Variants in SCAF8 observed in about 807,000 individuals in gnomAD.
SCAF8 encodes SR-related CTD associated factor 8.
SCAF8 carries 23 observed loss-of-function variants against 140.5 expected under a neutral mutation model. That is an observed-to-expected ratio of 0.16 (90% CI 0.12 to 0.23). The LOEUF is 0.23. Ranked by LOEUF, SCAF8 falls within the 10% of genes least tolerant of loss-of-function variation. SCAF8 has a pLI of 1.00. For synonymous variants in SCAF8, 575 were observed against 528.9 expected, an observed-to-expected ratio of 1.09 and a Z score of -1.20; for missense variants, 1,397 against 1,555.7, an observed-to-expected ratio of 0.90 and a Z score of 1.72.
At chr6:154,793,256 G>A (rs1477119962) in intron 5 of SCAF8, among the ~76,000 whole-genome samples, 1 of 152,058 alleles carries the variant, frequency 6.6e-6, no homozygotes, top group African/African-American at 2.4e-5. Context: ...TAAGTTGTCT[G>A]TAACTTCTTA....
chr6:154,760,411 G>T (rs1290548242), intron 1 of SCAF8, among the ~76,000 whole-genome samples: 2 of 152,068 alleles, frequency 1.3e-5, no homozygotes, highest in Admixed American at 6.5e-5. Context: ...CTAGACAGAT[G>T]TTTGCATATT....
Position 154,733,501 on chromosome 6 carries a change from G to A in SCAF8, c.-400G>A, listed in dbSNP as rs549323134. ...TGGTTCCTGCGGCCCGAGCGGCGGG[G>A]AGGTGAAACAGGAGCCCGTCGGAGG... On this transcript the variant is annotated 5_prime_UTR_variant, in exon 1 of 20. Coordinates refer to ENST00000367178, the MANE Select transcript of SCAF8 (RefSeq NM_014892.5). The A allele has an allele frequency of 1.5e-6, 2 of 1,320,632 alleles. No homozygotes were observed. Among genetic ancestry groups the A allele is most frequent in the Non-Finnish European group, 1.9e-6 (2 of 1,036,946 alleles). The allele number at this position is 1,320,632 out of a possible 1,614,324, so 81.8% of individuals were successfully genotyped here.
chr6:154,751,176 C>T (rs912639959), intron 1 of SCAF8, among the ~76,000 whole-genome samples: 1 of 151,850 alleles, frequency 6.6e-6, no homozygotes, highest in Non-Finnish European at 1.5e-5. Flanking sequence ...AGTTGTGGTT[C>T]TGTAACTGGG....
rs187531233 is a variant in SCAF8, at chr6:154,833,464, T to C, written c.*69T>C. ...CTCTCTGTAATAGATAATGGCTGAC[T>C]GGACCATAGTTGTTCACTTTTGTCT... On this transcript the variant is annotated 3_prime_UTR_variant, in exon 20 of 20. Transcript: ENST00000367178. 7.0e-7 allele frequency: 1 copy of C among 1,420,772 alleles called. No homozygotes were observed. The highest frequency in any genetic ancestry group is 9.6e-7 in the Non-Finnish European group (1 of 1,044,424). 88.0% of individuals were successfully genotyped at this position (1,420,772 alleles called of 1,614,324 possible). A position where few individuals can be genotyped will look rare whatever the true frequency, so the allele number is the denominator to read the frequency against.
chr6:154,746,581 A>G (rs996353378), intron 1 of SCAF8, among the ~76,000 whole-genome samples: 4 of 152,194 alleles, frequency 2.6e-5, no homozygotes, highest in Admixed American at 1.3e-4. Flanking sequence ...GTTATCTACA[A>G]TATATTTACT....
intron 1 of SCAF8, chr6:154,741,894 T>C (rs1562421512): frequency 1.7e-6 from 2 of 1,166,762 alleles, no homozygotes; most frequent in Non-Finnish European, 2.5e-6. Flanking sequence ...CCTGAACTTT[T>C]AAGTGAGCTC....
At chr6:154,753,877 A>G (rs1044548399) in intron 1 of SCAF8, among the ~76,000 whole-genome samples, 3 of 152,128 alleles carry the variant, frequency 2.0e-5, no homozygotes, top group Non-Finnish European at 4.4e-5. Context: ...TTACTCTGTC[A>G]CACAGGCTGG....
In SCAF8 at chr6:154,774,156, A is replaced by G. The variant is rs1038570267; in HGVS notation, c.114+84A>G. 16 of 934,912 alleles carry G rather than the reference A, an allele frequency of 1.7e-5. No individual in the cohort carries two copies. In the South Asian group the frequency reaches 1.7e-4, roughly 10 times the overall value. The allele number at this position is 934,912 out of a possible 1,614,324, so 57.9% of individuals were successfully genotyped here. A position where few individuals can be genotyped will look rare whatever the true frequency, so the allele number is the denominator to read the frequency against. ...ATGGGGGATAATTTTTTTATGGATT[A>G]TATGTTCTTTTTCACTTTACAGTGT... is the stretch of plus-strand genomic sequence containing the variant. On this transcript the variant is annotated intron_variant, in intron 2 of 19. Coordinates refer to ENST00000367178, the MANE Select transcript of SCAF8 (RefSeq NM_014892.5).
chr6:154,828,049 T>C (rs528398060), intron 18 of SCAF8, among the ~76,000 whole-genome samples: 1 of 152,186 alleles, frequency 6.6e-6, no homozygotes, highest in South Asian at 2.1e-4. Flanking sequence ...AGTTTGCATT[T>C]TGATTCACTC....
At chr6:154,799,366 G>A (rs900444711) in intron 6 of SCAF8, among the ~76,000 whole-genome samples, 1 of 151,068 alleles carries the variant, frequency 6.6e-6, no homozygotes, top group African/African-American at 2.4e-5. Flanking sequence ...TTTCACCTGC[G>A]CCTCCCAAGT....
At chr6:154,829,913 A>G (rs1244875714) in intron 18 of SCAF8, among the ~76,000 whole-genome samples, 1 of 152,218 alleles carries the variant, frequency 6.6e-6, no homozygotes, top group Non-Finnish European at 1.5e-5. Context: ...CTCAAAAAAA[A>G]GATAGGTTTA....
chr6:154,833,300 A>G lies in SCAF8; in HGVS notation c.3721A>G (p.Thr1241Ala), dbSNP rs372671129. Residue 1241 changes from threonine to alanine, a missense_variant, in exon 20 of 20, where the codon ACA becomes GCA. Physicochemically the swap from Thr to Ala is moderately conservative, Grantham distance 58 (BLOSUM62 0). This residue lies in a region of SCAF8 where 930 missense variants were observed against 874.6 expected (regional missense o/e 1.06). Coordinates refer to ENST00000367178, the MANE Select transcript of SCAF8 (RefSeq NM_014892.5). ...QNDPELYEKL[T>A]SSNEINKEKS... ...TGATCCTGAACTTTATGAAAAACTG[A>G]CATCTTCAAATGAAATAAACAAGGA... The G allele has an allele frequency of 6.2e-7, 1 of 1,614,040 alleles. No homozygotes were observed. Among genetic ancestry groups the G allele is most frequent in the Non-Finnish European group, 8.5e-7 (1 of 1,179,954 alleles).
intron 1 of SCAF8, among the ~76,000 whole-genome samples, chr6:154,734,866 T>G (rs1418927296): frequency 6.6e-6 from 1 of 152,200 alleles, no homozygotes; most frequent in Admixed American, 6.5e-5. Context: ...GGCTCAGGCC[T>G]GTAATCCCAG....
chr6:154,750,586 C>G (rs1778813852), intron 1 of SCAF8, among the ~76,000 whole-genome samples: 1 of 152,178 alleles, frequency 6.6e-6, no homozygotes. Context: ...GTAATTAAAA[C>G]TTAAGTAGTA....
chr6:154,761,515 A>G (rs1039882980), intron 1 of SCAF8, among the ~76,000 whole-genome samples: 12 of 152,200 alleles, frequency 7.9e-5, no homozygotes, highest in African/African-American at 2.9e-4. Context: ...AACAAAACCA[A>G]AAAATCATTT....
At position 154,762,748 on chromosome 6, in the gene SCAF8, A is replaced by G. The variant is rs1583012192; in HGVS notation, c.31-11241A>G. ...TTTGGAAGTTTCATTACTATCACTT[A>G]TAAATATACCCATATTATTTCTGAT... On this transcript the variant is annotated intron_variant, in intron 1 of 19. Coordinates refer to ENST00000367178, the MANE Select transcript of SCAF8 (RefSeq NM_014892.5). Among the ~76,000 whole-genome samples the G allele has an allele frequency of 2.6e-5, 4 of 152,334 alleles. 1 individual carries two copies. In the South Asian group the frequency reaches 8.3e-4, roughly 32 times the overall value.
chr6:154,803,265 C>T (rs1281185370), intron 7 of SCAF8, among the ~76,000 whole-genome samples: 2 of 152,054 alleles, frequency 1.3e-5, no homozygotes, highest in Non-Finnish European at 2.9e-5. Context: ...GAAAAACCAC[C>T]TAATTATTTT....
At position 154,733,492 on chromosome 6, in the gene SCAF8, A is replaced by C. The variant is rs1375397883; in HGVS notation, c.-409A>C. On this transcript the variant is annotated 5_prime_UTR_variant, in exon 1 of 20. Transcript: ENST00000367178. ...GAGCGGGGCTGGTTCCTGCGGCCCG[A>C]GCGGCGGGGAGGTGAAACAGGAGCC... The C allele has an allele frequency of 5.0e-5, 66 of 1,322,460 alleles. No individual in the cohort carries two copies. Among genetic ancestry groups the C allele is most frequent in the Non-Finnish European group, 1.3e-5 (13 of 1,039,184 alleles). The allele number at this position is 1,322,460 out of a possible 1,614,324, so 81.9% of individuals were successfully genotyped here.
At chr6:154,789,338 C>T (rs1240483072) in intron 4 of SCAF8, among the ~76,000 whole-genome samples, 3 of 151,774 alleles carry the variant, frequency 2.0e-5, no homozygotes, top group African/African-American at 7.3e-5. Context: ...GTCTCAAATT[C>T]CTGACCTTGT....
Sources: allele counts gnomAD v4.1 joint callset (sites outside exome capture counted in the v4.1 genomes callset), GRCh38; gene constraint gnomAD v4.1.1; regional missense constraint gnomAD v4.1.1; transcripts MANE v1.5; gene names NCBI Gene and HGNC (gene_info 2026-07-23, HGNC 2026-07-21).